Variants in SHANK2 observed in about 807,000 individuals in gnomAD.
SHANK2 encodes SH3 and multiple ankyrin repeat domains protein 2.
Under a neutral mutation model 133.7 loss-of-function variants are expected in SHANK2, and 43 were observed. That is an observed-to-expected ratio of 0.32 (90% confidence interval 0.25 to 0.41). The LOEUF is 0.41. Among genes scored for constraint, SHANK2 ranks in the 10% least tolerant of loss-of-function variants. The pLI, the probability that SHANK2 is intolerant of heterozygous loss-of-function variation, is 1.00. For missense variants in SHANK2, 1,994 were observed against 2,235.8 expected (o/e 0.89, Z 2.18); for synonymous variants, 1,017 against 952.8 (o/e 1.07, Z -1.24).
At chr11:71,154,579 G>C (rs1952862281) in intron 2 of SHANK2, among the ~76,000 whole-genome samples, 1 of 152,238 alleles carries the variant, frequency 6.6e-6, no homozygotes, top group African/African-American at 2.4e-5. Flanking sequence ...GGCCAAGGGG[G>C]TGGACTGCTC....
intron 10 of SHANK2, among the ~76,000 whole-genome samples, chr11:70,943,345 A>G (rs1192595020): frequency 1.3e-5 from 2 of 152,212 alleles, no homozygotes; most frequent in African/African-American, 4.8e-5. Context: ...AGCCCTGCCC[A>G]TGAAACTGGC....
At chr11:70,884,374 T>C (rs939326052) in intron 11 of SHANK2, among the ~76,000 whole-genome samples, 10 of 152,230 alleles carry the variant, frequency 6.6e-5, no homozygotes, top group African/African-American at 1.9e-4. Flanking sequence ...GCGTGTTACT[T>C]AGAAACACCA....
intron 8 of SHANK2, among the ~76,000 whole-genome samples, chr11:71,090,088 CGTGTGT>C (rs1302645293): frequency 7.1e-6 from 1 of 141,016 alleles, no homozygotes; most frequent in Admixed American, 7.0e-5. Context: ...AGACACAGAA[CGTGTGT>C]GTGTGTGTGT....
chr11:70,728,220 A>C (rs1946213825), intron 14 of SHANK2, among the ~76,000 whole-genome samples: 1 of 152,208 alleles, frequency 6.6e-6, no homozygotes, highest in African/African-American at 2.4e-5. Context: ...AGTACTCCCC[A>C]GTTGGAATCC....
chr11:71,092,886 C>CA (rs1240128105), intron 7 of SHANK2, among the ~76,000 whole-genome samples: 16 of 151,796 alleles, frequency 1.1e-4, no homozygotes, highest in South Asian at 8.3e-4. Flanking sequence ...ATGAAAAATA[C>CA]AAAAAAAATA....
intron 8 of SHANK2, among the ~76,000 whole-genome samples, chr11:71,076,357 T>C (rs1405092896): frequency 6.6e-6 from 1 of 152,088 alleles, no homozygotes; most frequent in African/African-American, 2.4e-5. Context: ...CCTGCTCTAC[T>C]GCTAATTGAG....
intron 15 of SHANK2, 123 bp from the exon 16 acceptor site, chr11:70,661,801 G>A (rs1944547714): frequency 6.2e-7 from 1 of 1,612,756 alleles, no homozygotes; most frequent in Non-Finnish European, 8.5e-7. Flanking sequence ...CCAGATCCAG[G>A]CAGCATGGAG....
At chr11:70,650,055 G>A (rs1555009730) in intron 17 of SHANK2, among the ~76,000 whole-genome samples, 1 of 152,218 alleles carries the variant, frequency 6.6e-6, no homozygotes. Context: ...TAACACGGGA[G>A]ATGTATGATT....
At chr11:71,093,579 C>G (rs1951555602) in intron 7 of SHANK2, among the ~76,000 whole-genome samples, 1 of 152,128 alleles carries the variant, frequency 6.6e-6, no homozygotes, top group Admixed American at 6.5e-5. Flanking sequence ...TCTCCTCCCT[C>G]TCTGTCTTCC....
chr11:70,852,386 C>T (rs782446069), intron 11 of SHANK2, among the ~76,000 whole-genome samples: 35 of 152,200 alleles, frequency 2.3e-4, no homozygotes, highest in Admixed American at 6.5e-4. Flanking sequence ...AGGGGCTCCA[C>T]GGGGCCTGCA....
intron 17 of SHANK2, among the ~76,000 whole-genome samples, chr11:70,616,147 C>T (rs2060738666): frequency 6.6e-6 from 1 of 152,180 alleles, no homozygotes; most frequent in South Asian, 2.1e-4. Flanking sequence ...CATGAGATTG[C>T]CATTCTTGTA....
intron 15 of SHANK2, among the ~76,000 whole-genome samples, chr11:70,684,963 T>C (rs1555019155): frequency 6.6e-6 from 1 of 152,060 alleles, no homozygotes; most frequent in Non-Finnish European, 1.5e-5. Context: ...TTTGTGCATT[T>C]TGGCAGTGGG....
intron 3 of SHANK2, among the ~76,000 whole-genome samples, chr11:71,136,590 G>A (rs1952443935): frequency 6.6e-6 from 1 of 152,226 alleles, no homozygotes; most frequent in Admixed American, 6.5e-5. Context: ...ACATTCCCAT[G>A]TAATAAAACT....
At chr11:70,835,918 G>C (rs1206333738) in intron 11 of SHANK2, among the ~76,000 whole-genome samples, 1 of 152,160 alleles carries the variant, frequency 6.6e-6, no homozygotes, top group Non-Finnish European at 1.5e-5. Flanking sequence ...TCGGACCTCA[G>C]TGGAGGCTGG....
intron 22 of SHANK2, among the ~76,000 whole-genome samples, chr11:70,492,113 G>A (rs2058894603): frequency 1.3e-5 from 2 of 152,242 alleles, no homozygotes; most frequent in South Asian, 4.1e-4. Context: ...AGGGCACTGA[G>A]TGAGCGGTAA....
intron 2 of SHANK2, among the ~76,000 whole-genome samples, chr11:71,210,705 G>T (rs1195962290): frequency 2.6e-5 from 4 of 152,062 alleles, no homozygotes; most frequent in Non-Finnish European, 5.9e-5. Context: ...CTTGACCTGG[G>T]GCTCAGTGGA....
chr11:71,144,860 G>A (rs1555106416), intron 3 of SHANK2, among the ~76,000 whole-genome samples: 4 of 152,124 alleles, frequency 2.6e-5, no homozygotes, highest in African/African-American at 7.2e-5. Flanking sequence ...TCTTAAGAGC[G>A]TGTGTGGTTT....
Position 70,487,698 on chromosome 11 carries a change from C to A in SHANK2, c.2595G>T (p.Gln865His), listed in dbSNP as rs1555154680. 2 of 1,568,126 alleles carry A rather than the reference C, an allele frequency of 1.3e-6. No individual in the cohort carries two copies. Among genetic ancestry groups the A allele is most frequent in the South Asian group, 1.2e-5 (1 of 85,574 alleles). ...FLSGITEEER[Q>H]FLAPPMLKFT... is the part of the protein sequence containing the mutation. The stretch of plus-strand genomic sequence containing the variant: ...ACTTCAGCATTGGAGGAGCCAGAAA[C>A]TGCCGCTCTTCCTCTGTTATTCCTA... Residue 865 changes from glutamine (Q) to histidine (H), a missense_variant, in exon 25 of 26, where the codon CAG becomes CAT. Physicochemically the swap from Gln to His is conservative, Grantham distance 24. This residue lies in a region of SHANK2 where 488 missense variants were observed against 642.6 expected (regional missense o/e 0.76). Coordinates refer to ENST00000601538, the MANE Select transcript of SHANK2 (RefSeq NM_012309.5). The surrounding 1 kb of genome is among the most constrained non-coding windows in gnomAD (Gnocchi z 5.8).
chr11:70,489,088 A>G (rs2058851108), intron 24 of SHANK2: 1 of 538,044 alleles, frequency 1.9e-6, no homozygotes, highest in Non-Finnish European at 3.3e-6. Flanking sequence ...ACAAACTACA[A>G]TAATTTATTC....
Sources: allele counts gnomAD v4.1 joint callset (sites outside exome capture counted in the v4.1 genomes callset), GRCh38; gene constraint gnomAD v4.1.1; regional missense constraint gnomAD v4.1.1; non-coding constraint Gnocchi (gnomAD v3.1); transcripts MANE v1.5; gene names NCBI Gene and HGNC (gene_info 2026-07-23, HGNC 2026-07-21).